Variants in PDE1B observed in about 807,000 individuals in gnomAD.
The protein encoded by PDE1B is phosphodiesterase 1B.
A neutral mutation model predicts 66.7 loss-of-function variants in PDE1B; 13 were observed. The observed-to-expected ratio is 0.19, with a 90% CI of 0.13 to 0.31. The LOEUF is 0.31. PDE1B is among the 10% of genes least tolerant of loss of function. PDE1B has a pLI of 1.00. For synonymous variants in PDE1B, 230 were observed against 253.9 expected, an observed-to-expected ratio of 0.91 and a Z score of 0.90; for missense variants, 485 against 682.3, an observed-to-expected ratio of 0.71 and a Z score of 3.22.
At position 54,569,619 on chromosome 12, in the gene PDE1B, T is replaced by C; in HGVS notation, c.477+7T>C. ...GGTTCTCAACTGTCTCAAGGTAATC[T>C]CTGGGTTTTTGGGAAAGAGGAGAAA... On this transcript the variant is annotated splice_region_variant and intron_variant, in intron 5 of 15. Transcript: ENST00000243052. This position sits in a 1 kb window ranked among gnomAD's most constrained non-coding sequence, Gnocchi z 4.4. The C allele has an allele frequency of 6.2e-7, 1 of 1,607,210 alleles. No homozygotes were observed. The highest frequency in any genetic ancestry group is 1.1e-5 in the South Asian group (1 of 90,942).
Position 54,569,674 on chromosome 12 carries a change from C to G in PDE1B, c.477+62C>G. On this transcript the variant is annotated intron_variant, in intron 5 of 15. Coordinates refer to ENST00000243052, the MANE Select transcript of PDE1B (RefSeq NM_000924.4). This position sits in a 1 kb window ranked among gnomAD's most constrained non-coding sequence, Gnocchi z 4.4. Reference sequence around the variant, plus strand: ...GGGGATGGAATAGCCACTGGGACTTCTAGACCCTGTTTATGGCATTATTTT... The same window carrying G: ...GGGGATGGAATAGCCACTGGGACTTGTAGACCCTGTTTATGGCATTATTTT... The G allele has an allele frequency of 1.8e-6, 2 of 1,090,124 alleles. No individual in the cohort carries two copies. The highest frequency in any genetic ancestry group is 1.6e-5 in the African/African-American group (1 of 64,186). 67.5% of individuals were successfully genotyped at this position (1,090,124 alleles called of 1,614,324 possible).
chr12:54,567,395 C>T (rs549389311), intron 3 of PDE1B, among the ~76,000 whole-genome samples: 160 of 151,554 alleles, frequency 1.1e-3, no homozygotes, highest in African/African-American at 3.5e-3. Flanking sequence ...TCTAGCTACT[C>T]GGGAGGCTGA....
chr12:54,558,901 G>A (rs1488977480), intron 2 of PDE1B, among the ~76,000 whole-genome samples: 1 of 152,160 alleles, frequency 6.6e-6, no homozygotes, highest in African/African-American at 2.4e-5. Flanking sequence ...GGTTCCCAAG[G>A]TGTTCTCATA....
intron 3 of PDE1B, among the ~76,000 whole-genome samples, chr12:54,568,547 G>A (rs1957557968): frequency 6.7e-6 from 1 of 149,092 alleles, no homozygotes; most frequent in African/African-American, 2.5e-5. Flanking sequence ...GAGGTATTAG[G>A]TAAAATAAAA....
At chr12:54,566,290 C>A (rs374255649) in intron 2 of PDE1B, among the ~76,000 whole-genome samples, 6 of 152,334 alleles carry the variant, frequency 3.9e-5, no homozygotes, top group African/African-American at 1.4e-4. Context: ...GTAACTCTGT[C>A]AGAGGTTCTC....
At chr12:54,560,535 G>T (rs369788942) in intron 2 of PDE1B, among the ~76,000 whole-genome samples, 2 of 152,290 alleles carry the variant, frequency 1.3e-5, no homozygotes, top group African/African-American at 4.8e-5. Flanking sequence ...CTCCTCAGCT[G>T]GCCAATCACG....
chr12:54,568,043 A>AT (rs1301606109), intron 3 of PDE1B, among the ~76,000 whole-genome samples: 2 of 152,036 alleles, frequency 1.3e-5, no homozygotes, highest in African/African-American at 4.8e-5. Context: ...TTTAGTAGAG[A>AT]TGGGGTTTCT....
intron 2 of PDE1B, among the ~76,000 whole-genome samples, chr12:54,557,735 T>G (rs920439255): frequency 6.6e-6 from 1 of 152,156 alleles, no homozygotes; most frequent in African/African-American, 2.4e-5. Context: ...GGGCATCTGC[T>G]GGGAACAGCT....
In PDE1B at chr12:54,561,781, T is replaced by C. The variant is rs112554827; in HGVS notation, c.114-5193T>C. The C allele has an allele frequency of 6.2e-3, 2,895 of 470,596 alleles. 58 individuals carry two copies. Among genetic ancestry groups the C allele is most frequent in the African/African-American group, 0.054 (2,610 of 48,292 alleles). The allele number at this position is 470,596 out of a possible 1,614,324, so 29.2% of individuals were successfully genotyped here. A position where few individuals can be genotyped will look rare whatever the true frequency, so the allele number is the denominator to read the frequency against. On this transcript the variant is annotated intron_variant, in intron 2 of 15. Coordinates refer to ENST00000243052, the MANE Select transcript of PDE1B (RefSeq NM_000924.4). ...TTGTGCGTGTGTGTGTGTGTGTGTG[T>C]GCGCGTGCCAACTTCACCTTTTACT...
At position 54,569,526 on chromosome 12, in the gene PDE1B, T is replaced by C; in HGVS notation, c.411-20T>C. On this transcript the variant is annotated intron_variant, in intron 4 of 15. Coordinates refer to ENST00000243052, the MANE Select transcript of PDE1B (RefSeq NM_000924.4). The surrounding 1 kb of genome is among the most constrained non-coding windows in gnomAD (Gnocchi z 4.4). Reference sequence around the variant, plus strand: ...TCCCAGACCTTCATATGTGGGCTTCTTCTCATTGTTCTCTCTCAGGATGTT... The same window carrying C: ...TCCCAGACCTTCATATGTGGGCTTCCTCTCATTGTTCTCTCTCAGGATGTT... The C allele has an allele frequency of 6.2e-7, 1 of 1,610,150 alleles. No homozygotes were observed. Among genetic ancestry groups the C allele is most frequent in the Non-Finnish European group, 8.5e-7 (1 of 1,176,410 alleles).
Position 54,574,950 on chromosome 12 carries a change from G to A in PDE1B, c.1065-148G>A, listed in dbSNP as rs532181553. The A allele has an allele frequency of 5.1e-5, 31 of 607,126 alleles. No individual in the cohort carries two copies. The African/African-American group carries it at 5.1e-4, about 10-fold the overall frequency. The allele number at this position is 607,126 out of a possible 1,614,324, so 37.6% of individuals were successfully genotyped here. A position where few individuals can be genotyped will look rare whatever the true frequency, so the allele number is the denominator to read the frequency against. On this transcript the variant is annotated intron_variant, in intron 10 of 15. Coordinates refer to ENST00000243052, the MANE Select transcript of PDE1B (RefSeq NM_000924.4). ...AGATTGTGCCACTGCACTCCAGCCCGGGCAACAGAGTGAGACCCTGTCTCA... is the reference window on the plus strand; with the variant it reads ...AGATTGTGCCACTGCACTCCAGCCCAGGCAACAGAGTGAGACCCTGTCTCA...
intron 5 of PDE1B, 65 bp from the exon 6 acceptor site, chr12:54,570,173 CCTT>C: frequency 6.7e-6 from 6 of 900,382 alleles, no homozygotes; most frequent in Middle Eastern, 2.1e-4. Flanking sequence ...CATGGGAAGT[CCTT>C]CTTGAAGTCT....
chr12:54,564,653 A>AG (rs1351337506), intron 2 of PDE1B, among the ~76,000 whole-genome samples: 1 of 152,092 alleles, frequency 6.6e-6, no homozygotes. Flanking sequence ...ACAAAAAAAA[A>AG]CAAAAAAGCA....
rs764492666 is a variant in PDE1B at position 54,549,869 on chromosome 12, G to T, written c.-4G>T. 1 of 1,611,022 alleles carries T rather than the reference G, an allele frequency of 6.2e-7. No individual in the cohort carries two copies. The highest frequency in any genetic ancestry group is 2.2e-5 in the East Asian group (1 of 44,866). On this transcript the variant is annotated 5_prime_UTR_variant, in exon 2 of 16. Transcript: ENST00000243052. Reference sequence around the variant, plus strand: ...TCCTTCTGTTCCGTAGACCGTGGCTGAGCATGGAGCTGTCCCCCCGCAGTC... The same window carrying T: ...TCCTTCTGTTCCGTAGACCGTGGCTTAGCATGGAGCTGTCCCCCCGCAGTC...
intron 2 of PDE1B, among the ~76,000 whole-genome samples, chr12:54,560,326 C>A (rs542846210): frequency 6.6e-6 from 1 of 152,202 alleles, no homozygotes; most frequent in South Asian, 2.1e-4. Flanking sequence ...GGGAAAACTT[C>A]CTGTTATAAA....
chr12:54,573,870 A>AGAGAGAGT lies in PDE1B; in HGVS notation c.1064+162_1064+163insAGAGAGTG, dbSNP rs774810310. On this transcript the variant is annotated intron_variant, in intron 10 of 15. Coordinates refer to ENST00000243052, the MANE Select transcript of PDE1B (RefSeq NM_000924.4). The surrounding 1 kb of genome is among the most constrained non-coding windows in gnomAD (Gnocchi z 5.2). ...GCATCTCTATGTGAGAGAGAGAGAGAGTGTGTGTGTGTGTGTGTGTGTGTG... is the reference window on the plus strand; with the variant it reads ...GCATCTCTATGTGAGAGAGAGAGAGAGAGAGAGTGTGTGTGTGTGTGTGTGTGTGTGTG... 313 of 502,056 alleles carry AGAGAGAGT rather than the reference A, an allele frequency of 6.2e-4. No individual in the cohort carries two copies. The highest frequency in any genetic ancestry group is 5.7e-3 in the African/African-American group (256 of 44,936). The allele number at this position is 502,056 out of a possible 1,614,324, so 31.1% of individuals were successfully genotyped here.
In PDE1B at chr12:54,575,113, G is replaced by A; in HGVS notation, c.1080G>A (p.Lys360=). The change falls in exon 11 of 16, where the codon AAG becomes AAA. Residue 360 remains lysine (K), a synonymous_variant. Coordinates refer to ENST00000243052, the MANE Select transcript of PDE1B (RefSeq NM_000924.4). The surrounding 1 kb of genome is among the most constrained non-coding windows in gnomAD (Gnocchi z 4.0). ...LQQLERIDKP[K]ALSLLLHAAD... The stretch of plus-strand genomic sequence containing the variant: ...CCCCAACCAGGATTGACAAGCCCAA[G>A]GCCCTGTCTCTACTGCTCCATGCTG... 1.2e-6 allele frequency: 2 copies of A among 1,613,948 alleles called. No individual in the cohort carries two copies. Among genetic ancestry groups the A allele is most frequent in the East Asian group, 2.2e-5 (1 of 44,852 alleles).
intron 2 of PDE1B, among the ~76,000 whole-genome samples, chr12:54,559,944 T>C (rs1957385112): frequency 6.6e-6 from 1 of 152,160 alleles, no homozygotes; most frequent in East Asian, 1.9e-4. Context: ...CCTCATCTCC[T>C]GGGTGGCATT....
rs1045651467 is a variant in PDE1B at position 54,549,731 on chromosome 12, G to C, written c.-55G>C. 1.2e-5 allele frequency: 7 copies of C among 577,012 alleles called. No individual in the cohort carries two copies. The highest frequency in any genetic ancestry group is 2.1e-5 in the Non-Finnish European group (7 of 330,316). 35.7% of individuals were successfully genotyped at this position (577,012 alleles called of 1,614,324 possible). A position where few individuals can be genotyped will look rare whatever the true frequency, so the allele number is the denominator to read the frequency against. On this transcript the variant is annotated 5_prime_UTR_variant, in exon 1 of 16. Coordinates refer to ENST00000243052, the MANE Select transcript of PDE1B (RefSeq NM_000924.4). ...AGCTGCAGCTCTGCCAGCTTGGGCC[G>C]AGCCTAGAGACACCGGCCTGGCTGG...
Sources: gnomAD v4.1 joint callset for allele counts (sites outside exome capture counted in the v4.1 genomes callset) on GRCh38, gnomAD v4.1.1 for gene constraint, Gnocchi (gnomAD v3.1) non-coding constraint, MANE v1.5 for transcripts, NCBI Gene and HGNC (gene_info 2026-07-23, HGNC 2026-07-21) for gene names.